The following WWP1 variants were observed in gnomAD, a reference collection of about 807,000 sequenced individuals.
WWP1 encodes the protein WW domain containing E3 ubiquitin protein ligase 1, also known as NEDD4-like E3 ubiquitin-protein ligase WWP1.
WWP1 carries 49 observed loss-of-function variants against 130.6 expected under a neutral mutation model. That is an observed-to-expected ratio of 0.38 (90% CI 0.30 to 0.48). The LOEUF is 0.48. Among genes scored for constraint, WWP1 ranks in the 20% least tolerant of loss-of-function variants. WWP1 has a pLI of 0.99. For synonymous variants in WWP1, 332 were observed against 367.8 expected (o/e 0.90, Z 1.11); for missense variants, 809 against 1,100.6 (o/e 0.74, Z 3.75).
chr8:86,452,796 T>A (rs544438689), intron 21 of WWP1, 117 bp downstream of exon 21: 106 of 1,299,018 alleles, frequency 8.2e-5, no homozygotes, highest in Admixed American at 4.9e-4. Context: ...TCTTGAATCC[T>A]CTCATTTGTC....
chr8:86,390,157 C>T (rs998092036), intron 5 of WWP1, among the ~76,000 whole-genome samples: 1 of 151,870 alleles, frequency 6.6e-6, no homozygotes, highest in Non-Finnish European at 1.5e-5. Flanking sequence ...CAGACACGCT[C>T]CTCACTTCCT....
At chr8:86,360,152 A>C (rs557626179) in intron 1 of WWP1, among the ~76,000 whole-genome samples, 9 of 151,916 alleles carry the variant, frequency 5.9e-5, no homozygotes, top group Non-Finnish European at 1.0e-4. Flanking sequence ...CAAAAAAAAA[A>C]CAAAAAACCA....
At chr8:86,386,069 T>C (rs1212331578) in intron 5 of WWP1, among the ~76,000 whole-genome samples, 2 of 152,194 alleles carry the variant, frequency 1.3e-5, no homozygotes, top group Non-Finnish European at 2.9e-5. Flanking sequence ...GTTCAGTTTG[T>C]CTAATTTCCT....
In WWP1 at chr8:86,402,119, C is replaced by G. The variant is rs1266150221; in HGVS notation, c.640C>G (p.Pro214Ala). The G allele has an allele frequency of 2.5e-6, 4 of 1,613,958 alleles. No individual in the cohort carries two copies. Among genetic ancestry groups the G allele is most frequent in the African/African-American group, 1.3e-5 (1 of 74,902 alleles). ...CSYVVNGDNT[P>A]SSPSQVAARP... is the part of the protein sequence containing the mutation. ...GTATGTAGTTAATGGAGACAACACA[C>G]CTTCATCTCCGTCTCAGGTTGCTGC... The change falls in exon 8 of 25, where the codon CCT becomes GCT. Residue 214 changes from proline to alanine, a missense_variant. Physicochemically the swap from Pro to Ala is conservative, Grantham distance 27. Around this residue, in one of 3 missense-constraint regions of WWP1, gnomAD observed 262 missense variants for 346.0 expected, o/e 0.76. Coordinates refer to ENST00000517970, the MANE Select transcript of WWP1 (RefSeq NM_007013.4).
At chr8:86,390,138 G>A (rs1036310626) in intron 5 of WWP1, among the ~76,000 whole-genome samples, 7 of 151,930 alleles carry the variant, frequency 4.6e-5, no homozygotes, top group Non-Finnish European at 8.8e-5. Context: ...CAGACGATGG[G>A]CAGCCGGGCA....
chr8:86,449,054 G>A (rs1187130959), intron 20 of WWP1, among the ~76,000 whole-genome samples: 1 of 151,052 alleles, frequency 6.6e-6, no homozygotes, highest in Non-Finnish European at 1.5e-5. Flanking sequence ...TGCCCAGGCT[G>A]GTCTCAAACT....
At chr8:86,454,702 A>G (rs953740554) in intron 21 of WWP1, among the ~76,000 whole-genome samples, 1 of 152,010 alleles carries the variant, frequency 6.6e-6, no homozygotes, top group Non-Finnish European at 1.5e-5. Context: ...TGAAGTGGAG[A>G]TGAAACTAAA....
At chr8:86,391,467 G>C (rs1807333479) in intron 5 of WWP1, among the ~76,000 whole-genome samples, 1 of 151,878 alleles carries the variant, frequency 6.6e-6, no homozygotes, top group Non-Finnish European at 1.5e-5. Context: ...GATATCTGAG[G>C]TATGTTTCAC....
rs762193039 is a variant in WWP1 at position 86,448,303 on chromosome 8, A to G, written c.2132+22A>G. 97 of 1,586,212 alleles carry G rather than the reference A, an allele frequency of 6.1e-5. 1 individual carries two copies. The highest frequency in any genetic ancestry group is 9.6e-5 in the African/African-American group (7 of 73,048). ...TAAGGTTTGAAGATTTTGTTTTGCA[A>G]TAAGTCATTTTTTTGAAACCCATTT... On this transcript the variant is annotated intron_variant, in intron 19 of 24. Transcript: ENST00000517970.
intron 1 of WWP1, among the ~76,000 whole-genome samples, chr8:86,361,267 C>T (rs896441884): frequency 6.6e-6 from 1 of 152,012 alleles, no homozygotes; most frequent in East Asian, 1.9e-4. Context: ...AAGTAATTGG[C>T]CTAGGCAGAA....
chr8:86,446,500 A>C (rs1015469975), intron 18 of WWP1, among the ~76,000 whole-genome samples: 3 of 111,366 alleles, frequency 2.7e-5, no homozygotes, highest in Non-Finnish European at 5.6e-5. Context: ...CCTATTTATC[A>C]ATTTTTGTTT....
chr8:86,405,801 G>A (rs1305324744), intron 8 of WWP1, among the ~76,000 whole-genome samples: 1 of 152,032 alleles, frequency 6.6e-6, no homozygotes, highest in Non-Finnish European at 1.5e-5. Context: ...CAAATTGTTG[G>A]GATTACAGGG....
At chr8:86,361,465 T>C (rs1325474151) in intron 1 of WWP1, among the ~76,000 whole-genome samples, 2 of 152,168 alleles carry the variant, frequency 1.3e-5, no homozygotes, top group Admixed American at 6.5e-5. Flanking sequence ...AATACACATA[T>C]ATTCCTTCTC....
rs1822287726 is a variant in WWP1 at position 86,342,878 on chromosome 8, A to T, written c.-167A>T. On this transcript the variant is annotated 5_prime_UTR_variant, in exon 1 of 25. Coordinates refer to ENST00000517970, the MANE Select transcript of WWP1 (RefSeq NM_007013.4). ...GGGTGAGGGCGCCCGCCGCAGGAGG[A>T]GGTGCCGCTGCCGTGGCCGCCCGGC... 1 of 300,522 alleles carries T rather than the reference A, an allele frequency of 3.3e-6. No homozygotes were observed. The allele number at this position is 300,522 out of a possible 1,614,324, so 18.6% of individuals were successfully genotyped here. A position where few individuals can be genotyped will look rare whatever the true frequency, so the allele number is the denominator to read the frequency against.
intron 8 of WWP1, among the ~76,000 whole-genome samples, chr8:86,408,621 T>C (rs1808409285): frequency 6.6e-6 from 1 of 152,236 alleles, no homozygotes; most frequent in African/African-American, 2.4e-5. Flanking sequence ...TTTTTTAAAG[T>C]GTTTTCTTCA....
chr8:86,366,091 A>G (rs1448919980), intron 1 of WWP1, among the ~76,000 whole-genome samples: 2 of 152,244 alleles, frequency 1.3e-5, no homozygotes, highest in Non-Finnish European at 1.5e-5. Flanking sequence ...TAGGTCCCCT[A>G]CAGTGAAGGG....
chr8:86,450,248 T>A (rs1811104123), intron 20 of WWP1, among the ~76,000 whole-genome samples: 1 of 152,218 alleles, frequency 6.6e-6, no homozygotes, highest in Non-Finnish European at 1.5e-5. Context: ...AAACCAGTCA[T>A]CTCTGAGTGA....
At chr8:86,374,227 T>A (rs1388093839) in intron 3 of WWP1, 107 bp downstream of exon 3, 2 of 875,218 alleles carry the variant, frequency 2.3e-6, no homozygotes, top group Non-Finnish European at 3.5e-6. Flanking sequence ...AGATTCATAC[T>A]ATGGCATATT....
intron 1 of WWP1, among the ~76,000 whole-genome samples, chr8:86,348,542 G>T (rs901185642): frequency 1.3e-5 from 2 of 152,126 alleles, no homozygotes; most frequent in African/African-American, 4.8e-5. Context: ...TAAATCTACA[G>T]TTCACTCACA....
Sources: allele counts gnomAD v4.1 joint callset (sites outside exome capture counted in the v4.1 genomes callset), GRCh38; gene constraint gnomAD v4.1.1; regional missense constraint gnomAD v4.1.1; transcripts MANE v1.5; gene names NCBI Gene and HGNC (gene_info 2026-07-23, HGNC 2026-07-21).